Variants in TRIM10 observed in about 807,000 individuals in gnomAD.
The protein encoded by TRIM10 is tripartite motif containing 10, also known as tripartite motif-containing protein 10.
A neutral mutation model predicts 40.0 loss-of-function variants in TRIM10; 42 were observed. That is an observed-to-expected ratio of 1.05 (90% confidence interval 0.82 to 1.36). TRIM10 has a LOEUF of 1.36. TRIM10 is among the 40% of genes most tolerant of loss of function. The pLI is 0.00. For synonymous variants in TRIM10, 260 were observed against 239.5 expected, an observed-to-expected ratio of 1.09 and a Z score of -0.79; for missense variants, 601 against 608.3, an observed-to-expected ratio of 0.99 and a Z score of 0.13.
Position 30,154,375 on chromosome 6 carries a change from C to A in TRIM10, c.1040G>T (p.Arg347Leu), listed in dbSNP as rs768234023. Residue 347 changes from arginine to leucine, a missense_variant, in exon 7 of 7, where the codon CGT becomes CTT. Physicochemically the swap from Arg to Leu is moderately radical, Grantham distance 102 (BLOSUM62 -2). Transcript: ENST00000449742. The part of the protein sequence containing the change: ...KWQNSPDNPQ[R>L]FDRATCVLAH... The stretch of plus-strand genomic sequence containing the variant: ...CAGAACACAGGTGGCCCGGTCAAAA[C>A]GTTGGGGGTTGTCTGGTGAGTTCTG... 1 of 1,612,998 alleles carries A rather than the reference C, an allele frequency of 6.2e-7. No individual in the cohort carries two copies. Among genetic ancestry groups the A allele is most frequent in the Non-Finnish European group, 8.5e-7 (1 of 1,179,986 alleles).
intron 4 of TRIM10, 103 bp downstream of exon 4, chr6:30,157,266 C>T: frequency 1.6e-6 from 2 of 1,262,998 alleles, no homozygotes; most frequent in Non-Finnish European, 2.2e-6. Flanking sequence ...AAATTTGTAT[C>T]CTTAAGTGAG....
chr6:30,159,588 C>T (rs561872629), intron 1 of TRIM10, among the ~76,000 whole-genome samples: 7 of 152,260 alleles, frequency 4.6e-5, no homozygotes, highest in East Asian at 1.9e-4. Flanking sequence ...TGATATGCCC[C>T]GCACTGAAAT....
In TRIM10 at chr6:30,160,909, C is replaced by CG. The variant is rs1773039373; in HGVS notation, c.-52dup. ...CAAGGCCACTCTCTCTGCTTGGCCACGGGGGAAGGGCTGGGTCACACACTC... is the reference window on the plus strand; with the variant it reads ...CAAGGCCACTCTCTCTGCTTGGCCACGGGGGGAAGGGCTGGGTCACACACTC... On this transcript the variant is annotated 5_prime_UTR_variant, in exon 1 of 7. Coordinates refer to ENST00000449742, the MANE Select transcript of TRIM10 (RefSeq NM_006778.4). 6.6e-7 allele frequency: 1 copy of CG among 1,515,552 alleles called. No individual in the cohort carries two copies. Among genetic ancestry groups the CG allele is most frequent in the Non-Finnish European group, 8.8e-7 (1 of 1,133,412 alleles). The allele number at this position is 1,515,552 out of a possible 1,614,324, so 93.9% of individuals were successfully genotyped here. A position where few individuals can be genotyped will look rare whatever the true frequency, so the allele number is the denominator to read the frequency against.
rs762205559 is a variant in TRIM10 at position 30,160,628 on chromosome 6, G to A, written c.231C>T (p.Asn77=). The change falls in exon 1 of 7, where the codon AAC becomes AAT. Residue 77 remains asparagine (N), a synonymous_variant. Transcript: ENST00000449742. The stretch of plus-strand genomic sequence containing the variant: ...GGAGGCGCTCAATGTTCTCCACCAC[G>A]TTAGCCAGCTGCCAGTTGGGCCGGA... ...GSFRPNWQLA[N]VVENIERLQL... The A allele has an allele frequency of 3.0e-5, 48 of 1,614,100 alleles. No individual in the cohort carries two copies. In the East Asian group the frequency reaches 5.1e-4, roughly 17 times the overall value.
At position 30,153,599 on chromosome 6, in the gene TRIM10, G is replaced by T. The variant is rs999031202; in HGVS notation, c.*370C>A. On this transcript the variant is annotated 3_prime_UTR_variant, in exon 7 of 7. Coordinates refer to ENST00000449742, the MANE Select transcript of TRIM10 (RefSeq NM_006778.4). ...TTATTGGAAGAAAACAAGATGAAAA[G>T]AGGTGAGATGCCTTGTTTAAAGTCA... The T allele has an allele frequency of 1.9e-6, 2 of 1,046,854 alleles. No individual in the cohort carries two copies. Among genetic ancestry groups the T allele is most frequent in the Non-Finnish European group, 2.9e-6 (2 of 692,944 alleles). The allele number at this position is 1,046,854 out of a possible 1,614,324, so 64.8% of individuals were successfully genotyped here. A position where few individuals can be genotyped will look rare whatever the true frequency, so the allele number is the denominator to read the frequency against.
Position 30,153,482 on chromosome 6 carries a change from A to G in TRIM10, c.*487T>C. 1.8e-6 allele frequency: 1 copy of G among 561,352 alleles called. No homozygotes were observed. Among genetic ancestry groups the G allele is most frequent in the East Asian group, 2.8e-5 (1 of 35,102 alleles). The allele number at this position is 561,352 out of a possible 1,614,324, so 34.8% of individuals were successfully genotyped here. A position where few individuals can be genotyped will look rare whatever the true frequency, so the allele number is the denominator to read the frequency against. ...TAGAGCAGGTTTTTTTTTTCTCTAT[A>G]TTTTCAAGTCACCAGTGGCCACCAC... On this transcript the variant is annotated 3_prime_UTR_variant, in exon 7 of 7. Transcript: ENST00000449742.
upstream of TRIM10, chr6:30,163,912 C>A (rs1252502140): frequency 1.4e-5 from 22 of 1,613,076 alleles, no homozygotes; most frequent in Non-Finnish European, 1.9e-5. Flanking sequence ...TGCCCCTGGG[C>A]CCGCTGGGAG....
Position 30,153,614 on chromosome 6 carries a change from G to T in TRIM10, c.*355C>A. The T allele has an allele frequency of 1.6e-6, 2 of 1,287,512 alleles. No individual in the cohort carries two copies. Among genetic ancestry groups the T allele is most frequent in the Non-Finnish European group, 2.2e-6 (2 of 904,674 alleles). 79.8% of individuals were successfully genotyped at this position (1,287,512 alleles called of 1,614,324 possible). On this transcript the variant is annotated 3_prime_UTR_variant, in exon 7 of 7. Coordinates refer to ENST00000449742, the MANE Select transcript of TRIM10 (RefSeq NM_006778.4). ...AAGATGAAAAGAGGTGAGATGCCTTGTTTAAAGTCATACAACTGGTTGACA... is the reference window on the plus strand; with the variant it reads ...AAGATGAAAAGAGGTGAGATGCCTTTTTTAAAGTCATACAACTGGTTGACA...
upstream of TRIM10, among the ~76,000 whole-genome samples, chr6:30,161,730 G>T (rs1366412425): frequency 6.6e-6 from 1 of 152,178 alleles, no homozygotes; most frequent in Non-Finnish European, 1.5e-5. Context: ...GAAGGTGAGT[G>T]ACCATAAATA....
At chr6:30,157,445 C>T in intron 3 of TRIM10, 54 bp from the exon 4 acceptor site, 1 of 1,515,232 alleles carries the variant, frequency 6.6e-7, no homozygotes, top group Non-Finnish European at 8.9e-7. Context: ...TTCCATTTTT[C>T]TTTCCTTTCT....
upstream of TRIM10, chr6:30,163,848 T>TGCTCTGCCC (rs1773363975): frequency 1.6e-5 from 26 of 1,613,024 alleles, no homozygotes; most frequent in Non-Finnish European, 2.1e-5. Context: ...GGCAAGATCC[T>TGCTCTGCCC]GCTCTGCCCG....
At chr6:30,156,770 C>T in intron 5 of TRIM10, 169 bp downstream of exon 5, 2 of 707,710 alleles carry the variant, frequency 2.8e-6, no homozygotes, top group Non-Finnish European at 5.1e-6. Flanking sequence ...TTCATTGTCA[C>T]AATATCCTAA....
Position 30,153,505 on chromosome 6 carries a change from C to T in TRIM10, c.*464G>A, listed in dbSNP as rs1772207657. ...ATATTTTCAAGTCACCAGTGGCCAC[C>T]ACACTGCTTGGTTCATAGTTAACAC... is the stretch of plus-strand genomic sequence containing the variant. On this transcript the variant is annotated 3_prime_UTR_variant, in exon 7 of 7. Transcript: ENST00000449742. 3.3e-6 allele frequency: 2 copies of T among 610,534 alleles called. No individual in the cohort carries two copies. The highest frequency in any genetic ancestry group is 3.0e-5 in the Admixed American group (1 of 33,606). The allele number at this position is 610,534 out of a possible 1,614,324, so 37.8% of individuals were successfully genotyped here.
rs201601030 is a variant in TRIM10, at chr6:30,154,474, A to G, written c.941T>C (p.Leu314Pro). Residue 314 changes from leucine (L) to proline (P), a missense_variant, in exon 7 of 7, where the codon CTA (leucine) becomes CCA (proline). Physicochemically the swap from Leu to Pro is moderately conservative, Grantham distance 98 (BLOSUM62 -3). Coordinates refer to ENST00000449742, the MANE Select transcript of TRIM10 (RefSeq NM_006778.4). ...CTTGGGGTGGGAAGTCTGAGGGTCT[A>G]GAGAAATGTGAGCTGTGGGGATAAC... ...ELDYEPAHISLDPQTSHPKLL... is the reference protein window; with the variant it reads ...ELDYEPAHISPDPQTSHPKLL... 1.2e-4 allele frequency: 191 copies of G among 1,611,088 alleles called. No individual in the cohort carries two copies. The highest frequency in any genetic ancestry group is 1.4e-4 in the Non-Finnish European group (161 of 1,179,966).
rs1276826235 is a variant in TRIM10 at position 30,157,352 on chromosome 6, G to A, written c.779+17C>T. 5.0e-6 allele frequency: 8 copies of A among 1,591,628 alleles called. No homozygotes were observed. The Admixed American group carries it at 5.5e-5, about 11-fold the overall frequency. On this transcript the variant is annotated intron_variant, in intron 4 of 6. Coordinates refer to ENST00000449742, the MANE Select transcript of TRIM10 (RefSeq NM_006778.4). ...TATTTATATGGAAAAAGAAAAGAGA[G>A]AAACTATATTGCTTACCTTATTAGA...
At chr6:30,156,401 A>G (rs1772529735) in intron 5 of TRIM10, among the ~76,000 whole-genome samples, 1 of 152,156 alleles carries the variant, frequency 6.6e-6, no homozygotes, top group Admixed American at 6.5e-5. Flanking sequence ...ACTCTCATCC[A>G]AACCCTCCCC....
chr6:30,154,245 C>T lies in TRIM10; in HGVS notation c.1170G>A (p.Arg390=). The change falls in exon 7 of 7, where the codon CGG becomes CGA. Residue 390 remains arginine, a synonymous_variant. Transcript: ENST00000449742. ...TVGVVSEDVQ[R]KGELRLRPEE... ...CTGGCCGCAGCCGAAGCTCCCCCTT[C>T]CGCTGCACATCCTCGCTCACCACGC... The T allele has an allele frequency of 2.5e-6, 4 of 1,613,058 alleles. No homozygotes were observed. Among genetic ancestry groups the T allele is most frequent in the Non-Finnish European group, 3.4e-6 (4 of 1,180,026 alleles).
Position 30,160,527 on chromosome 6 carries a change from T to C in TRIM10, c.332A>G (p.Glu111Gly). The change falls in exon 1 of 7, where the codon GAG (glutamate) becomes GGG (glycine). Residue 111 changes from glutamate to glycine, a missense_variant. Transcript: ENST00000449742. ...EHGEKIYFFC[E>G]DDEMQLCVVC... ...CACGCACAACTGCATCTCATCATCC[T>C]CACAGAAGAAGTAGATCTTCTCTCC... The C allele has an allele frequency of 3.7e-6, 6 of 1,614,214 alleles. No individual in the cohort carries two copies. Among genetic ancestry groups the C allele is most frequent in the Non-Finnish European group, 5.1e-6 (6 of 1,180,042 alleles).
Position 30,160,626 on chromosome 6 carries a change from AC to A in TRIM10, c.232del (p.Val78TrpfsTer76). ...CTGGAGGCGCTCAATGTTCTCCACC[AC>A]GTTAGCCAGCTGCCAGTTGGGCCGG... ...SFRPNWQLANVVENIERLQLV... is the reference protein window; with the variant it reads ...SFRPNWQLANXVENIERLQLV... On this transcript the variant is annotated frameshift_variant, in exon 1 of 7. Transcript: ENST00000449742. LOFTEE classifies it high-confidence loss of function. 2 of 1,614,196 alleles carry A rather than the reference AC, an allele frequency of 1.2e-6. No homozygotes were observed. Among genetic ancestry groups the A allele is most frequent in the Non-Finnish European group, 1.7e-6 (2 of 1,180,034 alleles).
Sources: gnomAD v4.1 joint callset for allele counts (sites outside exome capture counted in the v4.1 genomes callset) on GRCh38, gnomAD v4.1.1 for gene constraint, MANE v1.5 for transcripts, NCBI Gene and HGNC (gene_info 2026-07-23, HGNC 2026-07-21) for gene names.